The following MYO10 variants were observed in gnomAD, a reference collection of about 807,000 sequenced individuals.
MYO10 encodes myosin X.
In MYO10, 133 loss-of-function variants were observed where a neutral mutation model predicts 257.3. That is an observed-to-expected ratio of 0.52 (90% confidence interval 0.45 to 0.60). The LOEUF is 0.60. MYO10 is among the 20% of genes least tolerant of loss of function. MYO10 has a pLI of 0.00. For missense variants in MYO10, 2,399 were observed against 2,635.7 expected, an observed-to-expected ratio of 0.91 and a Z score of 1.97; for synonymous variants, 1,104 against 1,028.6, an observed-to-expected ratio of 1.07 and a Z score of -1.40.
chr5:16,685,188 T>TA (rs1737191857), intron 29 of MYO10, among the ~76,000 whole-genome samples: 1 of 152,226 alleles, frequency 6.6e-6, no homozygotes, highest in African/African-American at 2.4e-5. Context: ...TGGAATGTAT[T>TA]ACTACTTACA....
intron 3 of MYO10, among the ~76,000 whole-genome samples, chr5:16,801,815 C>T (rs1177856155): frequency 6.6e-6 from 1 of 152,084 alleles, no homozygotes; most frequent in Non-Finnish European, 1.5e-5. Context: ...GATGTTTTTT[C>T]AAACTTTTTA....
At chr5:16,815,436 G>C in intron 3 of MYO10, 1 of 700,914 alleles carries the variant, frequency 1.4e-6, no homozygotes, top group South Asian at 1.5e-5. Context: ...TGGAGTTTTT[G>C]GATTAGGTAT....
chr5:16,774,809 A>G (rs916301479), intron 9 of MYO10, among the ~76,000 whole-genome samples: 13 of 152,236 alleles, frequency 8.5e-5, no homozygotes, highest in Non-Finnish European at 1.8e-4. Flanking sequence ...TCCAACACTG[A>G]AAGAGACTGA....
intron 1 of MYO10, among the ~76,000 whole-genome samples, chr5:16,899,691 C>T (rs1580129817): frequency 6.7e-6 from 1 of 149,552 alleles, no homozygotes; most frequent in South Asian, 2.1e-4. Context: ...GTAAATTGTA[C>T]AGGTCCAGTG....
At chr5:16,674,472 A>AAAAAG (rs781332295) in intron 35 of MYO10, among the ~76,000 whole-genome samples, 1 of 152,352 alleles carries the variant, frequency 6.6e-6, no homozygotes, top group African/African-American at 2.4e-5. Flanking sequence ...TCTGTCTCAA[A>AAAAAG]AAAAGAAAAG....
intron 2 of MYO10, among the ~76,000 whole-genome samples, chr5:16,866,632 C>T (rs13161241): frequency 3.3e-5 from 5 of 151,600 alleles, no homozygotes; most frequent in African/African-American, 1.2e-4. Context: ...TTTCTTTCCT[C>T]TTGAGAGAAA....
chr5:16,702,630 C>G (rs1289725787), intron 23 of MYO10, 42 bp from the exon 24 acceptor site: 5 of 1,531,100 alleles, frequency 3.3e-6, no homozygotes, highest in Non-Finnish European at 3.5e-6. Context: ...CAACAATAAC[C>G]CTGGAACCAC....
chr5:16,896,224 A>G (rs1379642435), intron 1 of MYO10, among the ~76,000 whole-genome samples: 1 of 152,062 alleles, frequency 6.6e-6, no homozygotes, highest in Non-Finnish European at 1.5e-5. Flanking sequence ...TTTGGGAGGC[A>G]GGGGTGGGAG....
chr5:16,800,086 TAGA>T lies in MYO10; in HGVS notation c.280-5256_280-5254del, dbSNP rs1742078542. ...CAAAACCATCCAGCTGGTTTAGTTA[TAGA>T]AGATGTTAATCATGGCCAATGACCA... On this transcript the variant is annotated intron_variant, in intron 3 of 40. Transcript: ENST00000513610. Among the ~76,000 whole-genome samples the T allele has an allele frequency of 2.0e-5, 3 of 152,208 alleles. No homozygotes were observed. In the South Asian group the frequency reaches 6.2e-4, roughly 32 times the overall value.
chr5:16,702,575 C>A lies in MYO10; in HGVS notation c.2524G>T (p.Glu842Ter). The change falls in exon 24 of 41, where the codon GAG (glutamate) becomes TAG (stop). Residue 842 changes from glutamate to a stop codon, truncating the protein, a stop_gained. Coordinates refer to ENST00000513610, the MANE Select transcript of MYO10 (RefSeq NM_012334.3). LOFTEE classifies it high-confidence loss of function. ...REEEERERER[E>*]RREAELRAQQ... ...GCGCGGAGCTCGGCTTCTCTTCGCT[C>A]TCTCTCTCTTTCTCTAAAAATAGTA... The A allele has an allele frequency of 6.3e-7, 1 of 1,586,928 alleles. No homozygotes were observed. The highest frequency in any genetic ancestry group is 1.8e-5 in the Admixed American group (1 of 55,854).
At chr5:16,715,618 G>T (rs919581374) in intron 19 of MYO10, among the ~76,000 whole-genome samples, 4 of 150,470 alleles carry the variant, frequency 2.7e-5, no homozygotes, top group African/African-American at 9.8e-5. Context: ...TCTTTTTGAG[G>T]TGACGAAAAT....
Position 16,702,593 on chromosome 5 carries a change from A to G in MYO10, c.2511-5T>C. The G allele has an allele frequency of 6.3e-7, 1 of 1,575,456 alleles. No homozygotes were observed. The highest frequency in any genetic ancestry group is 8.6e-7 in the Non-Finnish European group (1 of 1,159,678). On this transcript the variant is annotated splice_region_variant and splice_polypyrimidine_tract_variant and intron_variant, in intron 23 of 40. Transcript: ENST00000513610. ...CTTCGCTCTCTCTCTCTTTCTCTAA[A>G]AATAGTAAAGGAAAAGTGAAAATCA...
intron 19 of MYO10, among the ~76,000 whole-genome samples, chr5:16,719,052 C>T (rs56206668): frequency 0.027 from 4,135 of 150,544 alleles, 192 homozygotes; most frequent in African/African-American, 0.094. Flanking sequence ...ACTGTGGAAG[C>T]TTTGTTCTTT....
At chr5:16,820,751 T>G (rs929572499) in intron 2 of MYO10, among the ~76,000 whole-genome samples, 2 of 151,998 alleles carry the variant, frequency 1.3e-5, no homozygotes, top group East Asian at 1.9e-4. Flanking sequence ...ATATTCTGCT[T>G]TCTGGAAATA....
Position 16,675,099 on chromosome 5 carries a change from A to G in MYO10, c.4718T>C (p.Phe1573Ser), listed in dbSNP as rs754674879. ...GGACTCCAGTTGCTGCAGGGAATTG[A>G]ATATCTTGATGGCCTCATCCTGAAG... ...TTLQDEAIKI[F>S]NSLQQLESMS... Residue 1573 changes from phenylalanine to serine, a missense_variant, in exon 35 of 41, where the codon TTC becomes TCC. This residue lies in a region of MYO10 where 1,820 missense variants were observed against 1,939.4 expected (regional missense o/e 0.94). Coordinates refer to ENST00000513610, the MANE Select transcript of MYO10 (RefSeq NM_012334.3). 1 of 1,613,918 alleles carries G rather than the reference A, an allele frequency of 6.2e-7. No individual in the cohort carries two copies. Among genetic ancestry groups the G allele is most frequent in the Admixed American group, 1.7e-5 (1 of 60,008 alleles).
At chr5:16,733,893 C>T (rs919450428) in intron 19 of MYO10, among the ~76,000 whole-genome samples, 1 of 152,024 alleles carries the variant, frequency 6.6e-6, no homozygotes, top group South Asian at 2.1e-4. Context: ...GGCAGGGAGT[C>T]CAGGCTTCTG....
At chr5:16,864,522 T>C (rs1470623029) in intron 2 of MYO10, among the ~76,000 whole-genome samples, 1 of 152,174 alleles carries the variant, frequency 6.6e-6, no homozygotes, top group Non-Finnish European at 1.5e-5. Flanking sequence ...ATATTTGCGT[T>C]CGTGCATTTA....
chr5:16,759,695 TCTA>T (rs1215269868), intron 17 of MYO10, among the ~76,000 whole-genome samples: 1 of 152,198 alleles, frequency 6.6e-6, no homozygotes, highest in Non-Finnish European at 1.5e-5. Context: ...ACAAACTGCC[TCTA>T]CTTAACATCA....
At chr5:16,669,565 T>G (rs1004222847) in intron 39 of MYO10, among the ~76,000 whole-genome samples, 1 of 152,322 alleles carries the variant, frequency 6.6e-6, no homozygotes, top group East Asian at 1.9e-4. Flanking sequence ...AGAGTTTAAC[T>G]GCTATTATCT....
Sources: gnomAD v4.1 joint callset for allele counts (sites outside exome capture counted in the v4.1 genomes callset) on GRCh38, gnomAD v4.1.1 for gene constraint, gnomAD v4.1.1 regional missense constraint, MANE v1.5 for transcripts, NCBI Gene and HGNC (gene_info 2026-07-23, HGNC 2026-07-21) for gene names.